Variants in RPN2 observed in about 807,000 individuals in gnomAD.
RPN2 encodes the protein dolichyl-diphosphooligosaccharide--protein glycosyltransferase subunit 2.
Under a neutral mutation model 71.4 loss-of-function variants are expected in RPN2, and 29 were observed. The ratio of observed to expected loss-of-function variants is 0.41; its 90% CI spans 0.30 to 0.55. The LOEUF (loss-of-function observed/expected upper bound fraction) is 0.55. Among genes scored for constraint, RPN2 ranks in the 20% least tolerant of loss-of-function variants. RPN2 has a pLI of 0.35. For missense variants in RPN2, 726 were observed against 774.1 expected, an observed-to-expected ratio of 0.94 and a Z score of 0.74; for synonymous variants, 308 against 305.0, an observed-to-expected ratio of 1.01 and a Z score of -0.10.
At chr20:37,185,142 GTCT>G (rs2066979326) in intron 2 of RPN2, among the ~76,000 whole-genome samples, 2 of 139,604 alleles carry the variant, frequency 1.4e-5, no homozygotes, top group East Asian at 3.9e-4. Context: ...ATTCGGGACA[GTCT>G]TTTTTTTTTT....
intron 9 of RPN2, 122 bp downstream of exon 9, chr20:37,213,987 T>C (rs2067744917): frequency 1.3e-6 from 1 of 771,060 alleles, no homozygotes; most frequent in African/African-American, 1.7e-5. Context: ...TGTGTTTATG[T>C]GGAGGGAGGG....
intron 15 of RPN2, among the ~76,000 whole-genome samples, chr20:37,234,935 C>G (rs751369020): frequency 1.3e-5 from 2 of 152,174 alleles, no homozygotes; most frequent in Non-Finnish European, 2.9e-5. Context: ...CGCCTTTGGC[C>G]TCCCAGAGTG....
intron 8 of RPN2, among the ~76,000 whole-genome samples, chr20:37,211,504 G>C (rs2067666182): frequency 6.6e-6 from 1 of 151,288 alleles, no homozygotes; most frequent in African/African-American, 2.4e-5. Context: ...AGCCAGACGT[G>C]GTGGTGCACG....
At chr20:37,192,461 C>T (rs1568965348) in intron 2 of RPN2, among the ~76,000 whole-genome samples, 1 of 152,236 alleles carries the variant, frequency 6.6e-6, no homozygotes, top group Non-Finnish European at 1.5e-5. Context: ...GGAGCCGGCA[C>T]TCACCCTGTC....
intron 4 of RPN2, among the ~76,000 whole-genome samples, chr20:37,200,285 G>A (rs1021779956): frequency 2.6e-5 from 4 of 152,114 alleles, no homozygotes; most frequent in African/African-American, 9.7e-5. Context: ...CACAGCGCCC[G>A]GCTGCCCAGC....
chr20:37,217,706 C>A lies in RPN2; in HGVS notation c.1092+3841C>A, dbSNP rs545501826. 3.9e-5 allele frequency among the ~76,000 whole-genome samples: 6 copies of A among 151,966 alleles called. No individual in the cohort carries two copies. The South Asian group carries it at 1.3e-3, about 32-fold the overall frequency. Reference sequence around the variant, plus strand: ...CAGGCCCTTCAGAACTCTGGCAATTCATCTTCCAGACTTAGCTTTTTTTTT... The same window carrying A: ...CAGGCCCTTCAGAACTCTGGCAATTAATCTTCCAGACTTAGCTTTTTTTTT... On this transcript the variant is annotated intron_variant, in intron 9 of 16. Transcript: ENST00000237530.
chr20:37,182,592 C>T (rs1241964781), intron 1 of RPN2, among the ~76,000 whole-genome samples: 2 of 152,044 alleles, frequency 1.3e-5, no homozygotes, highest in East Asian at 1.9e-4. Context: ...GAAAGGGTTT[C>T]GCCATGTCGC....
intron 2 of RPN2, among the ~76,000 whole-genome samples, chr20:37,196,881 T>G (rs985668385): frequency 3.9e-5 from 6 of 152,170 alleles, no homozygotes; most frequent in Admixed American, 3.9e-4. Context: ...AAGTCCCTGA[T>G]CTTGGGCCAC....
chr20:37,236,091 G>C (rs1442310823), intron 15 of RPN2, among the ~76,000 whole-genome samples: 6 of 129,770 alleles, frequency 4.6e-5, no homozygotes, highest in Non-Finnish European at 1.0e-4. Flanking sequence ...TGTTACCCCT[G>C]TTTGTGGGTG....
At chr20:37,229,889 A>T in intron 12 of RPN2, 84 bp from the exon 13 acceptor site, 1 of 1,034,404 alleles carries the variant, frequency 9.7e-7, no homozygotes, top group Non-Finnish European at 1.5e-6. Flanking sequence ...TTATGGTCTT[A>T]GATGTGAGTC....
intron 15 of RPN2, 46 bp downstream of exon 15, chr20:37,234,141 T>C (rs6104178): frequency 1.3e-6 from 2 of 1,593,752 alleles, no homozygotes; most frequent in Non-Finnish European, 1.7e-6. Flanking sequence ...CTCTGACATT[T>C]AGCCTGCCCA....
Position 37,193,017 on chromosome 20 carries a change from A to G in RPN2, c.208-5380A>G, listed in dbSNP as rs773866442. Among the ~76,000 whole-genome samples, 12 of 152,060 alleles carry G rather than the reference A, an allele frequency of 7.9e-5. 1 individual carries two copies. The highest frequency in any genetic ancestry group is 1.5e-4 in the Non-Finnish European group (10 of 68,006). On this transcript the variant is annotated intron_variant, in intron 2 of 16. Coordinates refer to ENST00000237530, the MANE Select transcript of RPN2 (RefSeq NM_002951.5). ...GTGGTGTGTGCCTGTAGTCCCAACTACTCAGGAGGCTGAGGATGGAGGATC... is the reference window on the plus strand; with the variant it reads ...GTGGTGTGTGCCTGTAGTCCCAACTGCTCAGGAGGCTGAGGATGGAGGATC...
intron 4 of RPN2, among the ~76,000 whole-genome samples, chr20:37,203,251 A>G (rs1001081283): frequency 1.2e-4 from 19 of 152,094 alleles, no homozygotes; most frequent in Non-Finnish European, 1.9e-4. Context: ...GACTGATGGA[A>G]ATATTTGGGA....
At chr20:37,207,046 A>T (rs1475843997) in intron 6 of RPN2, among the ~76,000 whole-genome samples, 1 of 152,072 alleles carries the variant, frequency 6.6e-6, no homozygotes, top group Non-Finnish European at 1.5e-5. Flanking sequence ...CTGACAAATC[A>T]TGAATTTCAG....
chr20:37,224,525 A>G (rs544677028), intron 10 of RPN2, among the ~76,000 whole-genome samples: 1 of 152,358 alleles, frequency 6.6e-6, no homozygotes, highest in South Asian at 2.1e-4. Context: ...CCATGGAGGC[A>G]GTACTAAGAA....
At chr20:37,202,609 G>A (rs2067417914) in intron 4 of RPN2, among the ~76,000 whole-genome samples, 2 of 152,116 alleles carry the variant, frequency 1.3e-5, no homozygotes, top group African/African-American at 4.8e-5. Flanking sequence ...CAAATTATCT[G>A]TATTAAGATA....
chr20:37,188,957 A>G (rs1389580111), intron 2 of RPN2, among the ~76,000 whole-genome samples: 5 of 150,188 alleles, frequency 3.3e-5, no homozygotes, highest in African/African-American at 9.8e-5. Flanking sequence ...TTTGTTTGAC[A>G]TGGAGTCTTA....
chr20:37,213,920 C>A, intron 9 of RPN2, 55 bp downstream of exon 9: 4 of 1,215,286 alleles, frequency 3.3e-6, no homozygotes, highest in South Asian at 1.2e-5. Context: ...AGGATATGGC[C>A]AAATTGACAC....
chr20:37,217,503 G>A (rs1167539650), intron 9 of RPN2, among the ~76,000 whole-genome samples: 2 of 151,942 alleles, frequency 1.3e-5, no homozygotes, highest in African/African-American at 2.4e-5. Flanking sequence ...ATGTTGGCCA[G>A]GATGGTCTTG....
Sources: gnomAD v4.1 joint callset for allele counts (sites outside exome capture counted in the v4.1 genomes callset) on GRCh38, gnomAD v4.1.1 for gene constraint, MANE v1.5 for transcripts, NCBI Gene and HGNC (gene_info 2026-07-23, HGNC 2026-07-21) for gene names.